ASTN2: variants seen among roughly 807,000 people sequenced by gnomAD.
ASTN2 encodes astrotactin-2.
A neutral mutation model predicts 139.8 loss-of-function variants in ASTN2; 54 were observed. The observed-to-expected ratio is 0.39, with a 90% confidence interval of 0.31 to 0.48. The LOEUF (loss-of-function observed/expected upper bound fraction) is 0.48, where lower values mean the gene tolerates loss of function less well. Among genes scored for constraint, ASTN2 ranks in the 20% least tolerant of loss-of-function variants. The pLI, the probability that ASTN2 is intolerant of heterozygous loss-of-function variation, is 0.95. For synonymous variants in ASTN2, 756 were observed against 719.5 expected (o/e 1.05, Z -0.81); for missense variants, 1,565 against 1,725.1 (o/e 0.91, Z 1.64).
At chr9:117,012,827 G>T (rs1588479921) in intron 6 of ASTN2, among the ~76,000 whole-genome samples, 1 of 152,146 alleles carries the variant, frequency 6.6e-6, no homozygotes, top group African/African-American at 2.4e-5. Flanking sequence ...TATTTGCAAG[G>T]CACTCCACTC....
At chr9:117,146,788 A>AG (rs1450801093) in intron 3 of ASTN2, among the ~76,000 whole-genome samples, 1 of 152,166 alleles carries the variant, frequency 6.6e-6, no homozygotes, top group Non-Finnish European at 1.5e-5. Flanking sequence ...CTGTTCTATG[A>AG]GAAAAAAAAT....
At chr9:116,715,196 T>C (rs992040615) in intron 16 of ASTN2, among the ~76,000 whole-genome samples, 2 of 151,994 alleles carry the variant, frequency 1.3e-5, no homozygotes, top group Non-Finnish European at 2.9e-5. Context: ...TTTCACTTAA[T>C]TTAAGGCATT....
intron 13 of ASTN2, among the ~76,000 whole-genome samples, chr9:116,743,083 C>T (rs1386347384): frequency 6.6e-6 from 1 of 152,166 alleles, no homozygotes; most frequent in African/African-American, 2.4e-5. Flanking sequence ...GACCTTCCCT[C>T]ACCAACCTCT....
At chr9:116,451,363 T>C (rs1022843797) in intron 20 of ASTN2, among the ~76,000 whole-genome samples, 2 of 152,160 alleles carry the variant, frequency 1.3e-5, no homozygotes, top group African/African-American at 4.8e-5. Context: ...AGTGAGTAAT[T>C]ATCACAGCAG....
At chr9:117,034,343 C>A (rs190489046) in intron 6 of ASTN2, among the ~76,000 whole-genome samples, 12 of 152,228 alleles carry the variant, frequency 7.9e-5, no homozygotes, top group Admixed American at 5.2e-4. Flanking sequence ...TTGATGAGGT[C>A]CAAACCTGTG....
intron 19 of ASTN2, among the ~76,000 whole-genome samples, chr9:116,586,525 G>A (rs775816512): frequency 3.9e-5 from 6 of 152,270 alleles, no homozygotes; most frequent in Non-Finnish European, 7.3e-5. Context: ...ATTATCCTAA[G>A]CAAATTAATG....
At chr9:116,986,378 G>A (rs1463269217) in intron 7 of ASTN2, among the ~76,000 whole-genome samples, 1 of 152,152 alleles carries the variant, frequency 6.6e-6, no homozygotes, top group Non-Finnish European at 1.5e-5. Flanking sequence ...GCAGAGAGAT[G>A]AATCCATCCT....
At chr9:116,845,677 C>T (rs947424259) in intron 11 of ASTN2, among the ~76,000 whole-genome samples, 2 of 152,180 alleles carry the variant, frequency 1.3e-5, no homozygotes, top group Admixed American at 1.3e-4. Flanking sequence ...ATCGAAACTA[C>T]CTCACCCTCA....
At chr9:116,622,754 GTAAGTA>G (rs1856227631) in intron 17 of ASTN2, among the ~76,000 whole-genome samples, 2 of 152,220 alleles carry the variant, frequency 1.3e-5, no homozygotes, top group African/African-American at 4.8e-5. Flanking sequence ...TTTTTGTAGT[GTAAGTA>G]TATTTCATAA....
chr9:117,139,623 T>C (rs1182599054), intron 4 of ASTN2, among the ~76,000 whole-genome samples: 2 of 152,202 alleles, frequency 1.3e-5, no homozygotes, highest in Non-Finnish European at 2.9e-5. Context: ...TCTCAACAGA[T>C]AGCAAACATC....
intron 3 of ASTN2, among the ~76,000 whole-genome samples, chr9:117,182,242 A>T (rs1406626632): frequency 6.7e-6 from 1 of 149,800 alleles, no homozygotes; most frequent in Admixed American, 6.7e-5. Flanking sequence ...CCAAAAAAAA[A>T]AAAATAATAA....
intron 1 of ASTN2, among the ~76,000 whole-genome samples, chr9:117,369,884 C>G (rs1006967750): frequency 1.3e-5 from 2 of 152,114 alleles, no homozygotes; most frequent in Admixed American, 6.6e-5. Context: ...AGAGGAGGAA[C>G]CCCATCCACA....
chr9:116,617,633 C>A (rs1195127096), intron 19 of ASTN2, among the ~76,000 whole-genome samples: 1 of 152,098 alleles, frequency 6.6e-6, no homozygotes, highest in African/African-American at 2.4e-5. Flanking sequence ...AGATGCTGAA[C>A]AAAACATTTA....
At chr9:116,761,252 A>G (rs1283370511) in intron 13 of ASTN2, among the ~76,000 whole-genome samples, 1 of 152,236 alleles carries the variant, frequency 6.6e-6, no homozygotes, top group East Asian at 1.9e-4. Context: ...CTCAGAGAAC[A>G]CAGATAAATG....
intron 6 of ASTN2, among the ~76,000 whole-genome samples, chr9:117,019,573 G>A (rs1388873549): frequency 3.3e-5 from 5 of 152,158 alleles, no homozygotes; most frequent in Middle Eastern, 6.3e-3. Flanking sequence ...TCTGGGAAAG[G>A]TAAGGAGATA....
chr9:116,834,964 G>A (rs1252619526), intron 11 of ASTN2, among the ~76,000 whole-genome samples: 3 of 152,128 alleles, frequency 2.0e-5, no homozygotes, highest in Non-Finnish European at 1.5e-5. Context: ...TGGGAAGGTC[G>A]CTTGAGCCTA....
At chr9:116,430,716 G>C (rs73520343) in intron 22 of ASTN2, among the ~76,000 whole-genome samples, 4,508 of 152,268 alleles carry the variant, frequency 0.03, 211 homozygotes, top group African/African-American at 0.1. Context: ...ACAAGACTTT[G>C]TACGTAACAG....
intron 2 of ASTN2, among the ~76,000 whole-genome samples, chr9:117,237,360 C>G (rs1000394306): frequency 1.3e-5 from 2 of 152,114 alleles, no homozygotes; most frequent in Admixed American, 6.5e-5. Flanking sequence ...CCTTTGGGAC[C>G]TCCCCATGGT....
intron 4 of ASTN2, among the ~76,000 whole-genome samples, chr9:117,140,202 G>A (rs1309335891): frequency 2.6e-5 from 4 of 152,190 alleles, no homozygotes; most frequent in Non-Finnish European, 5.9e-5. Context: ...CATGCAGAGA[G>A]CATGGCATGG....
Sources: gnomAD v4.1 joint callset for allele counts (sites outside exome capture counted in the v4.1 genomes callset) on GRCh38, gnomAD v4.1.1 for gene constraint, MANE v1.5 for transcripts, NCBI Gene and HGNC (gene_info 2026-07-23, HGNC 2026-07-21) for gene names.